Variants in RB1 observed in about 807,000 individuals in gnomAD.
The protein encoded by RB1 is RB transcriptional corepressor 1.
Under a neutral mutation model 135.4 loss-of-function variants are expected in RB1, and 18 were observed. The ratio of observed to expected loss-of-function variants is 0.13; its 90% CI spans 0.09 to 0.20. The LOEUF is 0.20. RB1 is among the 10% of genes least tolerant of loss of function. RB1 has a pLI of 1.00. For synonymous variants in RB1, 365 were observed against 373.2 expected, an observed-to-expected ratio of 0.98 and a Z score of 0.25; for missense variants, 868 against 1,110.0, an observed-to-expected ratio of 0.78 and a Z score of 3.10.
intron 11 of RB1, among the ~76,000 whole-genome samples, chr13:48,373,038 G>C (rs1952778131): frequency 6.6e-6 from 1 of 152,032 alleles, no homozygotes; most frequent in Non-Finnish European, 1.5e-5. Flanking sequence ...GTATCTTATT[G>C]TCTTTAATTT....
At position 48,421,779 on chromosome 13, in the gene RB1, A is replaced by C. The variant is rs537339714; in HGVS notation, c.1696-31214A>C. Reference sequence around the variant, plus strand: ...AGCATATGAACAAAAGCTCATCATCAGCGGTCATTAATGAAATGCAAATCA... The same window carrying C: ...AGCATATGAACAAAAGCTCATCATCCGCGGTCATTAATGAAATGCAAATCA... On this transcript the variant is annotated intron_variant, in intron 17 of 26. Transcript: ENST00000267163. 1.1e-4 allele frequency among the ~76,000 whole-genome samples: 16 copies of C among 152,378 alleles called. No individual in the cohort carries two copies. The East Asian group carries it at 2.9e-3, about 27-fold the overall frequency.
intron 2 of RB1, chr13:48,328,178 G>A: frequency 6.8e-7 from 1 of 1,463,454 alleles, no homozygotes; most frequent in South Asian, 1.1e-5. Context: ...TATTGAAGGA[G>A]TTTGGTCCAG....
rs3092869 is a variant in RB1 at position 48,360,265 on chromosome 13, G to A, written c.718+138G>A. 2,944 of 1,485,108 alleles carry A rather than the reference G, an allele frequency of 2.0e-3. 50 individuals carry two copies. The African/African-American group carries it at 0.037, about 19-fold the overall frequency. 92.0% of individuals were successfully genotyped at this position (1,485,108 alleles called of 1,614,324 possible). ...GACATGGACTTTGCCCATAAGTAGT[G>A]TAAGTTATAGAAGGAAAGATAAGAC... is the stretch of plus-strand genomic sequence containing the variant. On this transcript the variant is annotated intron_variant, in intron 7 of 26. Transcript: ENST00000267163.
In RB1 at chr13:48,330,269, T is replaced by C. The variant is rs574341368; in HGVS notation, c.265-12330T>C. On this transcript the variant is annotated intron_variant, in intron 2 of 26. Coordinates refer to ENST00000267163, the MANE Select transcript of RB1 (RefSeq NM_000321.3). ...AACCTAACTTTACATCTCTCAGAAC[T>C]AGGTAGAAAAAGAACAAATAAGCCC... Among the ~76,000 whole-genome samples the C allele has an allele frequency of 7.2e-5, 11 of 151,870 alleles. No individual in the cohort carries two copies. In the South Asian group the frequency reaches 2.3e-3, roughly 32 times the overall value.
intron 4 of RB1, 68 bp downstream of exon 4, chr13:48,345,267 G>T: frequency 1.3e-6 from 2 of 1,528,910 alleles, no homozygotes; most frequent in South Asian, 2.3e-5. Context: ...TAGATTCTGG[G>T]AATTATTTAA....
At chr13:48,440,163 G>A (rs1280684509) in intron 17 of RB1, among the ~76,000 whole-genome samples, 1 of 152,088 alleles carries the variant, frequency 6.6e-6, no homozygotes, top group East Asian at 1.9e-4. Context: ...GTTTAATAAA[G>A]CTTCCTTGGG....
chr13:48,386,184 A>C (rs1264078394), intron 17 of RB1, among the ~76,000 whole-genome samples: 1 of 152,086 alleles, frequency 6.6e-6, no homozygotes, highest in African/African-American at 2.4e-5. Context: ...TGGGAGCTTT[A>C]AGTTAACTTT....
chr13:48,420,756 G>T (rs1948993564), intron 17 of RB1, among the ~76,000 whole-genome samples: 1 of 152,052 alleles, frequency 6.6e-6, no homozygotes, highest in South Asian at 2.1e-4. Context: ...GACAAACAGA[G>T]AGCCAAATCA....
At chr13:48,407,969 G>A (rs546115679) in intron 17 of RB1, among the ~76,000 whole-genome samples, 3 of 152,164 alleles carry the variant, frequency 2.0e-5, no homozygotes, top group South Asian at 2.1e-4. Flanking sequence ...ATTGACAAAG[G>A]ACAAAATACT....
At chr13:48,340,835 T>TATA (rs1351566168) in intron 2 of RB1, 1 of 155,320 alleles carries the variant, frequency 6.4e-6, no homozygotes, top group South Asian at 2.1e-4. Context: ...ATATTTTTAA[T>TATA]TAGTCTTGAA....
At chr13:48,443,778 C>G (rs1055641349) in intron 17 of RB1, among the ~76,000 whole-genome samples, 6 of 152,112 alleles carry the variant, frequency 3.9e-5, no homozygotes, top group Non-Finnish European at 7.3e-5. Flanking sequence ...TGCTTTTAGA[C>G]CTGGCTATGT....
chr13:48,387,519 T>A (rs961929578), intron 17 of RB1, among the ~76,000 whole-genome samples: 1 of 152,134 alleles, frequency 6.6e-6, no homozygotes, highest in Non-Finnish European at 1.5e-5. Context: ...AAGTAGATTA[T>A]TGGTTTTCTA....
intron 17 of RB1, among the ~76,000 whole-genome samples, chr13:48,418,346 C>G (rs1054479145): frequency 1.3e-5 from 2 of 152,082 alleles, no homozygotes; most frequent in African/African-American, 4.8e-5. Context: ...GATTTTGTCA[C>G]CACCAGGCCT....
intron 17 of RB1, among the ~76,000 whole-genome samples, chr13:48,403,440 G>C (rs2138184337): frequency 6.6e-6 from 1 of 151,998 alleles, no homozygotes; most frequent in South Asian, 2.1e-4. Flanking sequence ...CATTTTTTTA[G>C]TATAAAAAAT....
At chr13:48,426,414 A>C (rs1490726897) in intron 17 of RB1, among the ~76,000 whole-genome samples, 1 of 152,232 alleles carries the variant, frequency 6.6e-6, no homozygotes, top group Admixed American at 6.5e-5. Context: ...GCTAATGTAC[A>C]GCCAATTTAA....
At chr13:48,324,984 GTTTT>G (rs554056559) in intron 2 of RB1, among the ~76,000 whole-genome samples, 1 of 142,010 alleles carries the variant, frequency 7.0e-6, no homozygotes, top group African/African-American at 2.6e-5. Context: ...CATGGGATTT[GTTTT>G]TTTTTTTAAG....
At chr13:48,336,446 C>T (rs1302232431) in intron 2 of RB1, among the ~76,000 whole-genome samples, 1 of 152,134 alleles carries the variant, frequency 6.6e-6, no homozygotes, top group Non-Finnish European at 1.5e-5. Context: ...TTATCCATTT[C>T]TTCTAGATTT....
At chr13:48,441,181 G>A (rs1234698766) in intron 17 of RB1, among the ~76,000 whole-genome samples, 3 of 152,202 alleles carry the variant, frequency 2.0e-5, no homozygotes, top group African/African-American at 7.2e-5. Flanking sequence ...GCGGAGGCCT[G>A]TTTCCTGGTT....
At chr13:48,411,494 C>G in intron 17 of RB1, 1 of 1,612,644 alleles carries the variant, frequency 6.2e-7, no homozygotes, top group Non-Finnish European at 8.5e-7. Flanking sequence ...AGTCACTTCT[C>G]CTGACAGACC....
Sources: gnomAD v4.1 joint callset for allele counts (sites outside exome capture counted in the v4.1 genomes callset) on GRCh38, gnomAD v4.1.1 for gene constraint, MANE v1.5 for transcripts, NCBI Gene and HGNC (gene_info 2026-07-23, HGNC 2026-07-21) for gene names.